The following ADGRL3 variants were observed in gnomAD, a reference collection of about 807,000 sequenced individuals.
ADGRL3 encodes the protein adhesion G protein-coupled receptor L3.
ADGRL3 carries 62 observed loss-of-function variants against 153.5 expected under a neutral mutation model. The observed-to-expected ratio is 0.40, with a 90% CI of 0.33 to 0.50. ADGRL3 has a LOEUF of 0.50. Ranked by LOEUF, ADGRL3 falls within the 20% of genes least tolerant of loss-of-function variation. ADGRL3 has a pLI of 0.47. For synonymous variants in ADGRL3, 710 were observed against 672.5 expected, an observed-to-expected ratio of 1.06 and a Z score of -0.86; for missense variants, 1,641 against 1,859.4, an observed-to-expected ratio of 0.88 and a Z score of 2.16.
At chr4:61,401,978 G>A (rs2152118692) in intron 2 of ADGRL3, among the ~76,000 whole-genome samples, 1 of 152,198 alleles carries the variant, frequency 6.6e-6, no homozygotes, top group South Asian at 2.1e-4. Context: ...TAACTGCTCA[G>A]CTTCCCTGTT....
chr4:61,813,460 TTAATC>T (rs201187033), intron 8 of ADGRL3, among the ~76,000 whole-genome samples: 2,806 of 152,296 alleles, frequency 0.018, 33 homozygotes, highest in Non-Finnish European at 0.028. Context: ...TAATATTTAT[TTAATC>T]TAACAACAAA....
intron 4 of ADGRL3, among the ~76,000 whole-genome samples, chr4:61,530,306 C>A (rs543832095): frequency 6.6e-6 from 1 of 151,360 alleles, no homozygotes; most frequent in Non-Finnish European, 1.5e-5. Flanking sequence ...AGAGGTACAA[C>A]TATATGGTCT....
chr4:61,505,650 T>C lies in ADGRL3; in HGVS notation c.55+8302T>C, dbSNP rs957681251. ...TATTTTTATATCTTTGTTCAAATTA[T>C]AAATATTGAGTCTTTCATTTTACTT... On this transcript the variant is annotated intron_variant, in intron 3 of 26. Coordinates refer to ENST00000683033, the MANE Select transcript of ADGRL3 (RefSeq NM_001387552.1). Among the ~76,000 whole-genome samples the C allele has an allele frequency of 7.2e-5, 11 of 152,220 alleles. No homozygotes were observed. The Middle Eastern group carries it at 0.017, about 235-fold the overall frequency.
intron 11 of ADGRL3, among the ~76,000 whole-genome samples, chr4:61,903,767 A>T (rs922519776): frequency 6.7e-6 from 1 of 150,070 alleles, no homozygotes; most frequent in Non-Finnish European, 1.5e-5. Context: ...CTATAAACAT[A>T]TTTATTTATT....
In ADGRL3 at chr4:61,463,437, T is replaced by A. The variant is rs77237704; in HGVS notation, c.-173-33684T>A. Among the ~76,000 whole-genome samples the A allele has an allele frequency of 1.8e-3, 280 of 152,200 alleles. 1 individual carries two copies. Among genetic ancestry groups the A allele is most frequent in the Admixed American group, 0.014 (220 of 15,290 alleles). On this transcript the variant is annotated intron_variant, in intron 2 of 26. Transcript: ENST00000683033. ...AAGTGAAGGGAGAAGTGCTGCAGAC[T>A]TTTAACAACCAGATCTCTTGAAAAC... is the stretch of plus-strand genomic sequence containing the variant.
intron 1 of ADGRL3, among the ~76,000 whole-genome samples, chr4:61,324,140 C>T (rs1360658143): frequency 2.6e-5 from 4 of 152,082 alleles, no homozygotes; most frequent in Non-Finnish European, 5.9e-5. Flanking sequence ...CCCCATGATT[C>T]GGTCATCTCC....
chr4:61,730,179 A>C (rs1406690679), intron 6 of ADGRL3, among the ~76,000 whole-genome samples: 1 of 151,932 alleles, frequency 6.6e-6, no homozygotes, highest in Non-Finnish European at 1.5e-5. Context: ...AAATTCTTTG[A>C]AATGCATAGA....
At chr4:61,655,175 A>G (rs2094407157) in intron 5 of ADGRL3, among the ~76,000 whole-genome samples, 1 of 152,096 alleles carries the variant, frequency 6.6e-6, no homozygotes, top group Non-Finnish European at 1.5e-5. Context: ...CCTATCAAGT[A>G]TGGGTACAAT....
At chr4:62,061,762 A>T (rs752504311) in intron 25 of ADGRL3, among the ~76,000 whole-genome samples, 3 of 152,020 alleles carry the variant, frequency 2.0e-5, no homozygotes, top group African/African-American at 2.4e-5. Context: ...TTCTCTAAAG[A>T]TTTATCCAAG....
At position 61,566,195 on chromosome 4, in the gene ADGRL3, T is replaced by C. The variant is rs546020361; in HGVS notation, c.260-21032T>C. Among the ~76,000 whole-genome samples, 9 of 152,276 alleles carry C rather than the reference T, an allele frequency of 5.9e-5. No individual in the cohort carries two copies. In the East Asian group the frequency reaches 1.7e-3, roughly 29 times the overall value. On this transcript the variant is annotated intron_variant, in intron 4 of 26. Coordinates refer to ENST00000683033, the MANE Select transcript of ADGRL3 (RefSeq NM_001387552.1). ...AGGATCAATATGTTTGCAGGGTTGG[T>C]TTCTGCTCAGGGCTATGAAGACAAG... is the stretch of plus-strand genomic sequence containing the variant.
At chr4:61,662,506 A>T (rs2094631372) in intron 5 of ADGRL3, among the ~76,000 whole-genome samples, 1 of 152,102 alleles carries the variant, frequency 6.6e-6, no homozygotes, top group South Asian at 2.1e-4. Context: ...CCCCCTCCAG[A>T]CTTTGGGTGC....
chr4:61,555,627 G>A (rs2098761939), intron 4 of ADGRL3, among the ~76,000 whole-genome samples: 1 of 152,134 alleles, frequency 6.6e-6, no homozygotes. Flanking sequence ...GACCCCGAGA[G>A]GGATCTTGGA....
chr4:61,383,847 C>A (rs2096703737), intron 2 of ADGRL3, among the ~76,000 whole-genome samples: 1 of 151,692 alleles, frequency 6.6e-6, no homozygotes, highest in Admixed American at 6.6e-5. Flanking sequence ...GCAAAACAGG[C>A]CCACATATTA....
At chr4:61,384,854 A>G (rs1431776279) in intron 2 of ADGRL3, among the ~76,000 whole-genome samples, 7 of 152,094 alleles carry the variant, frequency 4.6e-5, no homozygotes, top group African/African-American at 1.7e-4. Context: ...GATTCTATTT[A>G]TATGGTAGAC....
chr4:61,348,138 A>G (rs1007167462), intron 1 of ADGRL3, among the ~76,000 whole-genome samples: 2 of 152,084 alleles, frequency 1.3e-5, no homozygotes, highest in African/African-American at 2.4e-5. Context: ...ACCAAAAGGA[A>G]GAAACTACAT....
At chr4:61,809,848 G>T (rs996332550) in intron 8 of ADGRL3, among the ~76,000 whole-genome samples, 2 of 151,626 alleles carry the variant, frequency 1.3e-5, no homozygotes, top group Non-Finnish European at 2.9e-5. Context: ...GTACTTTTCT[G>T]TGTACTAAAA....
At chr4:61,291,617 TATATATATAA>T (rs1163442677) in intron 1 of ADGRL3, among the ~76,000 whole-genome samples, 13 of 80,692 alleles carry the variant, frequency 1.6e-4, no homozygotes, top group African/African-American at 4.0e-4. Flanking sequence ...CACACATATA[TATATATATAA>T]AATATTTATT....
intron 4 of ADGRL3, among the ~76,000 whole-genome samples, chr4:61,555,683 A>C (rs1335633401): frequency 6.6e-6 from 1 of 152,184 alleles, no homozygotes; most frequent in Non-Finnish European, 1.5e-5. Flanking sequence ...TTAGGAAAGT[A>C]AAGGAATGAG....
At chr4:61,876,031 A>AC (rs1430981759) in intron 9 of ADGRL3, among the ~76,000 whole-genome samples, 1 of 152,070 alleles carries the variant, frequency 6.6e-6, no homozygotes, top group Non-Finnish European at 1.5e-5. Flanking sequence ...CTAAAAAAAA[A>AC]ATAGAAAAGA....
Sources: gnomAD v4.1 joint callset for allele counts (sites outside exome capture counted in the v4.1 genomes callset) on GRCh38, gnomAD v4.1.1 for gene constraint, MANE v1.5 for transcripts, NCBI Gene and HGNC (gene_info 2026-07-23, HGNC 2026-07-21) for gene names.